CORO7: variants seen among roughly 807,000 people sequenced by gnomAD.
CORO7 encodes the protein coronin-7.
CORO7 carries 107 observed loss-of-function variants against 126.6 expected under a neutral mutation model. The ratio of observed to expected loss-of-function variants is 0.85; its 90% CI spans 0.72 to 0.99. The LOEUF is 0.99. Among genes scored for constraint, CORO7 ranks in the 50% least tolerant of loss-of-function variants. The probability of loss-of-function intolerance (pLI) is 0.00; values close to 1 mark genes in which losing one functional copy is unlikely to be tolerated. For synonymous variants in CORO7, 603 were observed against 536.8 expected, an observed-to-expected ratio of 1.12 and a Z score of -1.70; for missense variants, 1,314 against 1,255.8, an observed-to-expected ratio of 1.05 and a Z score of -0.70.
rs557142218 is a variant in CORO7, at chr16:4,374,758, G to A, written c.786-9213C>T. Among the ~76,000 whole-genome samples, 23 of 152,298 alleles carry A rather than the reference G, an allele frequency of 1.5e-4. 1 individual carries two copies. In the South Asian group the frequency reaches 4.3e-3, roughly 29 times the overall value. On this transcript the variant is annotated intron_variant, in intron 9 of 27. Coordinates refer to ENST00000251166, the MANE Select transcript of CORO7 (RefSeq NM_024535.5). ...GGTTGGCCAAGAACCCTGGGTGATT[G>A]TGGGGGGTTCGGCATGGGGAGCTTG...
At chr16:4,374,919 T>G (rs2054665493) in intron 9 of CORO7, among the ~76,000 whole-genome samples, 1 of 152,026 alleles carries the variant, frequency 6.6e-6, no homozygotes, top group Non-Finnish European at 1.5e-5. Flanking sequence ...AGGGCCTTAC[T>G]AGATGGGTGC....
rs2054049807 is a variant in CORO7, at chr16:4,358,391, C to A, written c.2433G>T (p.Val811=). 1 of 1,612,724 alleles carries A rather than the reference C, an allele frequency of 6.2e-7. No homozygotes were observed. ...CCCGGACTCGGGGCAGCCGGAAGGC[C>A]ACAGGCTCCAGGGAGGACTGACGCA... is the stretch of plus-strand genomic sequence containing the variant. ...LRLRQSSLEP[V]AFRLPRVRKE... Residue 811 remains valine, a synonymous_variant, in exon 24 of 28, where the codon GTG becomes GTT. Transcript: ENST00000251166.
At chr16:4,392,666 A>T (rs1054519148) in intron 7 of CORO7, among the ~76,000 whole-genome samples, 3 of 152,192 alleles carry the variant, frequency 2.0e-5, no homozygotes, top group African/African-American at 7.2e-5. Context: ...AGGAAGGAGG[A>T]TTGCCAGAGA....
chr16:4,411,572 T>C (rs948591625), intron 3 of CORO7, among the ~76,000 whole-genome samples: 52 of 152,160 alleles, frequency 3.4e-4, no homozygotes, highest in African/African-American at 1.2e-3. Flanking sequence ...AAAGTTTAGA[T>C]GAGAAAACTC....
At chr16:4,357,008 G>T in intron 26 of CORO7, 160 bp downstream of exon 26, 2 of 1,008,764 alleles carry the variant, frequency 2.0e-6, no homozygotes, top group Non-Finnish European at 2.9e-6. Flanking sequence ...CATGGTCAGT[G>T]GTAGGGCTCT....
intron 9 of CORO7, among the ~76,000 whole-genome samples, chr16:4,368,538 A>AG (rs993842764): frequency 5.9e-5 from 9 of 152,120 alleles, no homozygotes; most frequent in African/African-American, 2.2e-4. Flanking sequence ...ACTTTGGGTC[A>AG]GGAGTTTGAG....
At chr16:4,355,470 T>C (rs1351450761) in intron 26 of CORO7, 98 bp from the exon 27 acceptor site, 16 of 845,682 alleles carry the variant, frequency 1.9e-5, no homozygotes, top group Non-Finnish European at 2.4e-5. Flanking sequence ...GAAAAGAACT[T>C]TTTTTTTTTT....
At chr16:4,382,276 G>A (rs977816219) in intron 9 of CORO7, 12 of 1,608,804 alleles carry the variant, frequency 7.5e-6, no homozygotes, top group Non-Finnish European at 1.0e-5. Flanking sequence ...CCTGACCCTG[G>A]GCATCGAGCC....
chr16:4,374,097 G>A (rs1204660711), intron 9 of CORO7, among the ~76,000 whole-genome samples: 1 of 151,696 alleles, frequency 6.6e-6, no homozygotes, highest in East Asian at 1.9e-4. Flanking sequence ...GTGTGTGTGT[G>A]TGTGTGTGTC....
intron 19 of CORO7, among the ~76,000 whole-genome samples, 182 bp from the exon 20 acceptor site, chr16:4,360,730 TCTC>T (rs1567246149): frequency 2.4e-5 from 1 of 42,364 alleles, no homozygotes; most frequent in South Asian, 8.6e-4. Context: ...TGGCCCCCCT[TCTC>T]CTCAATGCTA....
Position 4,416,467 on chromosome 16 carries a change from G to T in CORO7, c.52C>A (p.Arg18Ser). The change falls in exon 1 of 28, where the codon CGC becomes AGC. Residue 18 changes from arginine to serine, a missense_variant. Arg to Ser is a moderately radical substitution (Grantham distance 110, BLOSUM62 -1). Transcript: ENST00000251166. ...CCTCGGGCCGGACTCACCTCGCGGC[G>T]GGGCGGCCGAGCCTCGGTGTGCCGG... The part of the protein sequence containing the change: ...KFRHTEARPP[R>S]RESWISDIRA... The T allele has an allele frequency of 6.3e-7, 1 of 1,575,170 alleles. No individual in the cohort carries two copies. The highest frequency in any genetic ancestry group is 1.1e-5 in the South Asian group (1 of 87,250).
intron 6 of CORO7, among the ~76,000 whole-genome samples, chr16:4,402,418 C>T (rs1231380926): frequency 1.3e-5 from 2 of 151,962 alleles, no homozygotes; most frequent in Non-Finnish European, 2.9e-5. Context: ...CTAATGTTTG[C>T]ATTTTTTTTG....
intron 9 of CORO7, among the ~76,000 whole-genome samples, chr16:4,371,627 C>A (rs930346071): frequency 5.3e-5 from 8 of 152,212 alleles, no homozygotes; most frequent in Admixed American, 4.6e-4. Context: ...AAGCAGAAAC[C>A]TGCCCAGTGT....
At chr16:4,357,905 G>A in intron 25 of CORO7, 63 bp downstream of exon 25, 1 of 1,543,578 alleles carries the variant, frequency 6.5e-7, no homozygotes, top group Non-Finnish European at 8.8e-7. Flanking sequence ...TTCAACCTGG[G>A]CCTTCTGTCC....
At chr16:4,359,417 CG>C (rs2054087207) in intron 22 of CORO7, 32 bp from the exon 23 acceptor site, 5 of 1,613,462 alleles carry the variant, frequency 3.1e-6, no homozygotes, top group Non-Finnish European at 4.2e-6. Context: ...GGGAACCCTC[CG>C]GCAACACTGG....
chr16:4,358,525 G>A lies in CORO7; in HGVS notation c.2341-42C>T, dbSNP rs767234421. ...GTCGGAGCTGCCGCTGGGACCTAGA[G>A]CTCATGGCTGGGCACGTAGTCTCCC... On this transcript the variant is annotated intron_variant, in intron 23 of 27. Coordinates refer to ENST00000251166, the MANE Select transcript of CORO7 (RefSeq NM_024535.5). The A allele has an allele frequency of 1.0e-5, 16 of 1,534,520 alleles. No homozygotes were observed. In the East Asian group the frequency reaches 3.7e-4, roughly 35 times the overall value.
chr16:4,375,689 C>A (rs1483041467), intron 9 of CORO7, among the ~76,000 whole-genome samples: 1 of 152,198 alleles, frequency 6.6e-6, no homozygotes, highest in East Asian at 1.9e-4. Context: ...GGGGTTTCAC[C>A]ATGTTAGCCA....
At chr16:4,374,086 C>T (rs1455366417) in intron 9 of CORO7, among the ~76,000 whole-genome samples, 8 of 148,702 alleles carry the variant, frequency 5.4e-5, no homozygotes, top group African/African-American at 1.2e-4. Context: ...GGAGGGTGCA[C>T]GTGTGTGTGT....
intron 6 of CORO7, among the ~76,000 whole-genome samples, chr16:4,404,423 C>G (rs1385921731): frequency 6.6e-6 from 1 of 152,200 alleles, no homozygotes; most frequent in African/African-American, 2.4e-5. Flanking sequence ...CCACCTCCTC[C>G]CCTGCAGGCT....
Sources: allele counts gnomAD v4.1 joint callset (sites outside exome capture counted in the v4.1 genomes callset), GRCh38; gene constraint gnomAD v4.1.1; transcripts MANE v1.5; gene names NCBI Gene and HGNC (gene_info 2026-07-23, HGNC 2026-07-21).